The following XRRA1 variants were observed in gnomAD, a reference collection of about 807,000 sequenced individuals.
XRRA1 encodes X-ray radiation resistance-associated protein 1.
XRRA1 carries 69 observed loss-of-function variants against 80.2 expected under a neutral mutation model. The ratio of observed to expected loss-of-function variants is 0.86; its 90% confidence interval spans 0.71 to 1.05. The LOEUF (loss-of-function observed/expected upper bound fraction) is 1.05, where lower values mean the gene tolerates loss of function less well. Ranked by LOEUF, XRRA1 falls within the 50% of genes least tolerant of loss-of-function variation. The pLI is 0.00. For missense variants in XRRA1, 967 were observed against 976.4 expected (o/e 0.99, Z 0.13); for synonymous variants, 348 against 389.9 (o/e 0.89, Z 1.27).
intron 10 of XRRA1, among the ~76,000 whole-genome samples, chr11:74,885,024 G>T (rs1591005056): frequency 6.6e-6 from 1 of 152,208 alleles, no homozygotes; most frequent in South Asian, 2.1e-4. Context: ...AGCAATTTGG[G>T]AGGCTGAGGT....
At chr11:74,938,278 A>C (rs1945507624) in intron 3 of XRRA1, among the ~76,000 whole-genome samples, 2 of 151,998 alleles carry the variant, frequency 1.3e-5, no homozygotes, top group Admixed American at 6.6e-5. Flanking sequence ...TCCCATTTCC[A>C]TTATGGGCCT....
At chr11:74,852,423 C>T (rs567744160) in intron 12 of XRRA1, among the ~76,000 whole-genome samples, 4 of 152,272 alleles carry the variant, frequency 2.6e-5, no homozygotes, top group East Asian at 1.9e-4. Context: ...ACACATTTTT[C>T]GTACGAACAA....
intron 10 of XRRA1, among the ~76,000 whole-genome samples, chr11:74,888,944 G>A (rs1454270855): frequency 6.6e-6 from 1 of 152,222 alleles, no homozygotes; most frequent in African/African-American, 2.4e-5. Context: ...GTACCTGAAA[G>A]TTACGGGGAG....
chr11:74,923,996 C>T (rs1432672980), intron 7 of XRRA1, among the ~76,000 whole-genome samples: 1 of 151,564 alleles, frequency 6.6e-6, no homozygotes, highest in Non-Finnish European at 1.5e-5. Flanking sequence ...CACAGGCACG[C>T]ACCACCATGC....
At chr11:74,941,175 T>G (rs1391670690) in intron 2 of XRRA1, among the ~76,000 whole-genome samples, 2 of 152,206 alleles carry the variant, frequency 1.3e-5, no homozygotes, top group Non-Finnish European at 2.9e-5. Context: ...TGTCTTTCCT[T>G]GCTCTGTGAC....
At chr11:74,852,202 G>C (rs2040041243) in intron 12 of XRRA1, 120 bp from the exon 13 acceptor site, 2 of 785,184 alleles carry the variant, frequency 2.5e-6, no homozygotes, top group East Asian at 5.2e-5. Flanking sequence ...TATTGGGTAA[G>C]ACATGCTGCT....
chr11:74,902,517 C>T (rs989718393), intron 10 of XRRA1, among the ~76,000 whole-genome samples: 35 of 152,096 alleles, frequency 2.3e-4, no homozygotes, highest in African/African-American at 3.1e-4. Context: ...AAGCAACCTA[C>T]GCATCCATCA....
chr11:74,852,236 G>A (rs2040049558), intron 12 of XRRA1, among the ~76,000 whole-genome samples, 154 bp from the exon 13 acceptor site: 1 of 152,102 alleles, frequency 6.6e-6, no homozygotes, highest in African/African-American at 2.4e-5. Flanking sequence ...ACTGCTGGGT[G>A]ATGCCTTGAC....
At chr11:74,932,592 G>A (rs1236298791) in intron 5 of XRRA1, among the ~76,000 whole-genome samples, 2 of 152,130 alleles carry the variant, frequency 1.3e-5, no homozygotes, top group Non-Finnish European at 2.9e-5. Flanking sequence ...AAGAACATAC[G>A]GTATCCAATG....
chr11:74,848,248 G>A lies in XRRA1; in HGVS notation c.1595C>T (p.Pro532Leu). ...SPSCRTFVPL[P>L]PICSNSTVHS... Reference sequence around the variant, plus strand: ...CACAGTGGAGTTGGAGCAGATGGGAGGCAGTGGCACGAAGGTCCGGCAAGA... The same window carrying A: ...CACAGTGGAGTTGGAGCAGATGGGAAGCAGTGGCACGAAGGTCCGGCAAGA... Residue 532 changes from proline to leucine, a missense_variant, in exon 15 of 19, where the codon CCT becomes CTT. By Grantham distance (98) the Pro-to-Leu change is moderately conservative. Coordinates refer to ENST00000684022, the MANE Select transcript of XRRA1 (RefSeq NM_001378157.1). 1 of 1,613,954 alleles carries A rather than the reference G, an allele frequency of 6.2e-7. No individual in the cohort carries two copies. Among genetic ancestry groups the A allele is most frequent in the Non-Finnish European group, 8.5e-7 (1 of 1,179,852 alleles).
chr11:74,844,952 G>T, intron 16 of XRRA1, 121 bp downstream of exon 16: 1 of 969,542 alleles, frequency 1.0e-6, no homozygotes, highest in Non-Finnish European at 1.6e-6. Context: ...CAGGTATTTA[G>T]ACAGAGGACA....
chr11:74,936,980 G>C lies in XRRA1; in HGVS notation c.183C>G (p.Ser61Arg). The change falls in exon 4 of 19, where the codon AGC becomes AGG. Residue 61 changes from serine (S) to arginine (R), a missense_variant. Ser to Arg is a moderately radical substitution (Grantham distance 110). Coordinates refer to ENST00000684022, the MANE Select transcript of XRRA1 (RefSeq NM_001378157.1). ...LVGAQAERRE[S>R]LKATSFEFKG... ...TGAACTCAAAAGAAGTCGCCTTCAGGCTTTCCCGACGTTCAGCTTGTGCTC... is the reference window on the plus strand; with the variant it reads ...TGAACTCAAAAGAAGTCGCCTTCAGCCTTTCCCGACGTTCAGCTTGTGCTC... 6.2e-7 allele frequency: 1 copy of C among 1,613,776 alleles called. No homozygotes were observed. The highest frequency in any genetic ancestry group is 1.1e-5 in the South Asian group (1 of 91,038).
At chr11:74,935,274 T>C (rs1458577337) in intron 4 of XRRA1, among the ~76,000 whole-genome samples, 1 of 152,160 alleles carries the variant, frequency 6.6e-6, no homozygotes, top group Non-Finnish European at 1.5e-5. Flanking sequence ...CTCAGGATCA[T>C]GAAGGCAATC....
At chr11:74,889,814 A>G (rs1169647064) in intron 10 of XRRA1, among the ~76,000 whole-genome samples, 1 of 152,224 alleles carries the variant, frequency 6.6e-6, no homozygotes, top group African/African-American at 2.4e-5. Flanking sequence ...AGGCCATTAC[A>G]TAATGGTAAA....
At chr11:74,943,048 G>C (rs1241258763) in intron 2 of XRRA1, among the ~76,000 whole-genome samples, 2 of 152,222 alleles carry the variant, frequency 1.3e-5, no homozygotes, top group Non-Finnish European at 2.9e-5. Context: ...ATGGGAGAGA[G>C]ACTTCAAATA....
chr11:74,904,018 G>A (rs956429004), intron 10 of XRRA1, among the ~76,000 whole-genome samples: 3 of 152,102 alleles, frequency 2.0e-5, no homozygotes, highest in South Asian at 2.1e-4. Context: ...ACTGTATTAG[G>A]ACCTGAGTTG....
intron 3 of XRRA1, among the ~76,000 whole-genome samples, chr11:74,937,738 C>T (rs552525402): frequency 1.3e-5 from 2 of 152,180 alleles, no homozygotes; most frequent in African/African-American, 4.8e-5. Context: ...TGTTCTTTCT[C>T]GCACCAGCAG....
intron 12 of XRRA1, among the ~76,000 whole-genome samples, chr11:74,856,448 T>C (rs1272833331): frequency 2.0e-5 from 3 of 152,158 alleles, no homozygotes; most frequent in Non-Finnish European, 4.4e-5. Flanking sequence ...TTGAGTCCAA[T>C]AGAGAGCTAA....
chr11:74,884,427 A>G (rs2048512005), intron 10 of XRRA1, among the ~76,000 whole-genome samples: 1 of 152,206 alleles, frequency 6.6e-6, no homozygotes, highest in Non-Finnish European at 1.5e-5. Context: ...AGGGGTGACC[A>G]GCTTTTCATA....
Sources: gnomAD v4.1 joint callset for allele counts (sites outside exome capture counted in the v4.1 genomes callset) on GRCh38, gnomAD v4.1.1 for gene constraint, MANE v1.5 for transcripts, NCBI Gene and HGNC (gene_info 2026-07-23, HGNC 2026-07-21) for gene names.